PLSCR2: variants seen among roughly 807,000 people sequenced by gnomAD.
PLSCR2 encodes PL scramblase 2.
Under a neutral mutation model 25.3 loss-of-function variants are expected in PLSCR2, and 18 were observed. That is an observed-to-expected ratio of 0.71 (90% CI 0.49 to 1.06). The LOEUF is 1.06. Among genes scored for constraint, PLSCR2 ranks in the 50% least tolerant of loss-of-function variants. The probability of loss-of-function intolerance (pLI) is 0.00; values close to 1 mark genes in which losing one functional copy is unlikely to be tolerated. For missense variants in PLSCR2, 243 were observed against 269.5 expected (o/e 0.90, Z 0.69); for synonymous variants, 88 against 87.3 (o/e 1.01, Z -0.04).
intron 3 of PLSCR2, among the ~76,000 whole-genome samples, chr3:146,392,910 T>G (rs1479442096): frequency 1.3e-5 from 2 of 151,444 alleles, no homozygotes; most frequent in Non-Finnish European, 2.9e-5. Flanking sequence ...AATTTTTCTC[T>G]TTTCTTCAAT....
chr3:146,467,304 C>T (rs1032163423), intron 1 of PLSCR2, among the ~76,000 whole-genome samples: 5 of 152,028 alleles, frequency 3.3e-5, no homozygotes, highest in African/African-American at 1.2e-4. Context: ...ACAAAAGAAA[C>T]AAAAATGAGT....
intron 1 of PLSCR2, chr3:146,495,089 G>T (rs368084677): frequency 6.6e-6 from 1 of 152,158 alleles, no homozygotes; most frequent in Admixed American, 6.5e-5. Context: ...GGAAAGAGGA[G>T]TATCAATTAG....
upstream of PLSCR2, among the ~76,000 whole-genome samples, chr3:146,463,013 C>T (rs1413685493): frequency 6.6e-6 from 1 of 152,184 alleles, no homozygotes; most frequent in African/African-American, 2.4e-5. Context: ...CGGAAAATTT[C>T]AGGTCCTGTG....
At chr3:146,409,988 C>T (rs975843632) in intron 2 of PLSCR2, among the ~76,000 whole-genome samples, 1 of 152,098 alleles carries the variant, frequency 6.6e-6, no homozygotes, top group Admixed American at 6.6e-5. Flanking sequence ...TCTCCTGGGT[C>T]AGTTGTATCT....
chr3:146,425,363 T>G (rs1447587288), intron 2 of PLSCR2, among the ~76,000 whole-genome samples: 3 of 152,180 alleles, frequency 2.0e-5, no homozygotes, highest in Middle Eastern at 6.8e-3. Flanking sequence ...ACTACATTCA[T>G]AAAAGTGCAA....
At chr3:146,432,511 G>A (rs1424792785), downstream of PLSCR2, among the ~76,000 whole-genome samples, 1 of 152,148 alleles carries the variant, frequency 6.6e-6, no homozygotes, top group East Asian at 1.9e-4. Flanking sequence ...TTAGGAATGA[G>A]CCTAAGACAC....
chr3:146,484,226 T>G (rs2043261311), intron 1 of PLSCR2, among the ~76,000 whole-genome samples: 1 of 148,714 alleles, frequency 6.7e-6, no homozygotes, highest in Non-Finnish European at 1.5e-5. Flanking sequence ...AAGGCAGGCA[T>G]ACAAGATTAG....
intron 3 of PLSCR2, among the ~76,000 whole-genome samples, chr3:146,456,417 C>T (rs558632265): frequency 2.0e-5 from 3 of 152,258 alleles, no homozygotes; most frequent in South Asian, 4.1e-4. Flanking sequence ...TATATAGGAA[C>T]TGCACTTGAC....
chr3:146,461,156 G>A (rs1172869349), upstream of PLSCR2, among the ~76,000 whole-genome samples: 1 of 152,170 alleles, frequency 6.6e-6, no homozygotes, highest in African/African-American at 2.4e-5. Context: ...AGTCCGCAGT[G>A]TAGTGATTCC....
intron 2 of PLSCR2, chr3:146,416,456 A>G (rs2039010197): frequency 6.6e-6 from 1 of 152,148 alleles, no homozygotes; most frequent in Non-Finnish European, 1.5e-5. Flanking sequence ...GAACGATCTA[A>G]ATTCATGTTG....
chr3:146,477,452 C>A (rs488053), intron 1 of PLSCR2, among the ~76,000 whole-genome samples: 9 of 152,050 alleles, frequency 5.9e-5, no homozygotes, highest in African/African-American at 2.2e-4. Flanking sequence ...TGGCTCGGCA[C>A]GTCCCACACC....
At chr3:146,394,485 C>T (rs1048915186) in intron 3 of PLSCR2, among the ~76,000 whole-genome samples, 4 of 152,016 alleles carry the variant, frequency 2.6e-5, no homozygotes, top group Non-Finnish European at 4.4e-5. Context: ...AAGCTGGTCT[C>T]GAACTCCTGA....
At chr3:146,474,984 C>T (rs1346077590) in intron 1 of PLSCR2, among the ~76,000 whole-genome samples, 5 of 151,746 alleles carry the variant, frequency 3.3e-5, no homozygotes, top group Non-Finnish European at 7.4e-5. Context: ...TTTTTCAGCT[C>T]CATCAGGTGG....
intron 5 of PLSCR2, among the ~76,000 whole-genome samples, chr3:146,452,630 G>T (rs2040968206): frequency 6.6e-6 from 1 of 151,998 alleles, no homozygotes; most frequent in South Asian, 2.1e-4. Flanking sequence ...TTAGAATCTG[G>T]TGTCTGCAGA....
chr3:146,428,013 T>C (rs2039415570), intron 2 of PLSCR2, among the ~76,000 whole-genome samples: 1 of 152,106 alleles, frequency 6.6e-6, no homozygotes, highest in African/African-American at 2.4e-5. Flanking sequence ...ACTATCTTTT[T>C]CACACACACA....
rs966806265 is a variant in PLSCR2, at chr3:146,459,973, C to G, written c.-69G>C. 4 of 1,613,870 alleles carry G rather than the reference C, an allele frequency of 2.5e-6. No homozygotes were observed. The African/African-American group carries it at 5.3e-5, about 22-fold the overall frequency. ...ATGCCAGCTGTGCCAGCAGGTGGGA[C>G]TAGGTAGTCATGCTGACGTCCTGGG... On this transcript the variant is annotated 5_prime_UTR_variant, in exon 2 of 7. The change abolishes the stop of an existing upstream ORF in the 5' untranslated region. Transcript: ENST00000610787.
At chr3:146,452,274 A>T (rs2040948836) in intron 5 of PLSCR2, among the ~76,000 whole-genome samples, 3 of 151,536 alleles carry the variant, frequency 2.0e-5, no homozygotes, top group Admixed American at 1.3e-4. Context: ...AAGTATGAGT[A>T]AAAAAAAAGA....
In PLSCR2 at chr3:146,444,605, T is replaced by G. The variant is rs190825857; in HGVS notation, c.646-2784A>C. Among the ~76,000 whole-genome samples, 39 of 152,066 alleles carry G rather than the reference T, an allele frequency of 2.6e-4. No homozygotes were observed. The East Asian group carries it at 7.5e-3, about 29-fold the overall frequency. On this transcript the variant is annotated intron_variant, in intron 6 of 6. Transcript: ENST00000610787. ...ACTCCTGCTCTTCATTTTCCTGGAA[T>G]TTTTTTCCATCTTTTTATTTTCAGT...
intron 1 of PLSCR2, among the ~76,000 whole-genome samples, chr3:146,471,113 T>C (rs1172998082): frequency 6.6e-6 from 1 of 152,162 alleles, no homozygotes; most frequent in African/African-American, 2.4e-5. Flanking sequence ...CACCTAACAG[T>C]GCATCTTGGA....
Sources: allele counts gnomAD v4.1 joint callset (sites outside exome capture counted in the v4.1 genomes callset), GRCh38; gene constraint gnomAD v4.1.1; transcripts MANE v1.5; gene names NCBI Gene and HGNC (gene_info 2026-07-23, HGNC 2026-07-21).